DUS1L: variants seen among roughly 807,000 people sequenced by gnomAD.
The protein encoded by DUS1L is dihydrouridine synthase 1 like, also known as tRNA-dihydrouridine(16/17) synthase [NAD(P)(+)]-like.
DUS1L carries 56 observed loss-of-function variants against 61.2 expected under a neutral mutation model. The ratio of observed to expected loss-of-function variants is 0.92; its 90% CI spans 0.74 to 1.14. The LOEUF is 1.14. DUS1L is among the 50% of genes most tolerant of loss of function. DUS1L has a pLI of 0.00. For synonymous variants in DUS1L, 278 were observed against 259.5 expected (o/e 1.07, Z -0.69); for missense variants, 630 against 632.4 (o/e 1.00, Z 0.04).
chr17:82,060,541 G>T, intron 10 of DUS1L, 160 bp downstream of exon 10: 2 of 880,716 alleles, frequency 2.3e-6, no homozygotes, highest in Non-Finnish European at 3.4e-6. Context: ...CGTGGAAGGT[G>T]TGTGCTGCTC....
Position 82,058,427 on chromosome 17 carries a change from GA to G in DUS1L, c.1207-12del, listed in dbSNP as rs1173433068. Reference sequence around the variant, plus strand: ...CACACATCTGTTGCCCTGGGCACAGGAAATCTCGGGAGCCTGTGGCCAGCAC... The same window carrying G: ...CACACATCTGTTGCCCTGGGCACAGGAATCTCGGGAGCCTGTGGCCAGCAC... On this transcript the variant is annotated splice_polypyrimidine_tract_variant and intron_variant, in intron 12 of 13. Transcript: ENST00000306796. The G allele has an allele frequency of 6.7e-7, 1 of 1,481,748 alleles. No individual in the cohort carries two copies. The highest frequency in any genetic ancestry group is 1.4e-5 in the African/African-American group (1 of 71,162). The allele number at this position is 1,481,748 out of a possible 1,614,324, so 91.8% of individuals were successfully genotyped here. A position where few individuals can be genotyped will look rare whatever the true frequency, so the allele number is the denominator to read the frequency against.
intron 5 of DUS1L, 87 bp downstream of exon 5, chr17:82,062,774 T>C (rs2033572806): frequency 8.2e-7 from 1 of 1,220,208 alleles, no homozygotes; most frequent in Non-Finnish European, 1.2e-6. Flanking sequence ...CGGTGCACGG[T>C]GTCTGGACAC....
rs775785935 is a variant in DUS1L, at chr17:82,060,848, C to A, written c.939+17G>T. On this transcript the variant is annotated intron_variant, in intron 9 of 13. Coordinates refer to ENST00000306796, the MANE Select transcript of DUS1L (RefSeq NM_022156.5). ...CACCCCCTGCAAGGCCGGGCTCCCACCAGCCCCAGCACCTGCCTGACACCG... is the reference window on the plus strand; with the variant it reads ...CACCCCCTGCAAGGCCGGGCTCCCAACAGCCCCAGCACCTGCCTGACACCG... The A allele has an allele frequency of 7.4e-6, 12 of 1,611,816 alleles. No individual in the cohort carries two copies. Among genetic ancestry groups the A allele is most frequent in the Non-Finnish European group, 1.0e-5 (12 of 1,179,652 alleles).
Position 82,060,901 on chromosome 17 carries a change from G to T in DUS1L, c.903C>A (p.Ile301=). ...GCTTCAGCTCCTGGCTCACAGCAGC[G>T]ATGCCCTCCAGGGTCTTCACCTTGG... ...ELAKVKTLEG[I]AAVSQELKLR... The change falls in exon 9 of 14, where the codon ATC becomes ATA. Residue 301 remains isoleucine, a synonymous_variant. Transcript: ENST00000306796. 1 of 1,611,544 alleles carries T rather than the reference G, an allele frequency of 6.2e-7. No homozygotes were observed.
intron 2 of DUS1L, 128 bp downstream of exon 2, chr17:82,064,692 TCTC>T (rs1568093553): frequency 1.1e-6 from 1 of 936,694 alleles, no homozygotes; most frequent in Middle Eastern, 3.5e-4. Flanking sequence ...ACCTTCTCCC[TCTC>T]CTCCTGGAAT....
rs1342872090 is a variant in DUS1L, at chr17:82,058,162, C to G, written c.1375G>C (p.Gly459Arg). 1 of 1,598,090 alleles carries G rather than the reference C, an allele frequency of 6.3e-7. No individual in the cohort carries two copies. The highest frequency in any genetic ancestry group is 1.3e-5 in the African/African-American group (1 of 74,720). ...ELQEPQPAAPGTPGGFSEVMG... is the reference protein window; with the variant it reads ...ELQEPQPAAPRTPGGFSEVMG... ...ACTTCGGAGAAGCCACCTGGTGTTCCAGGTGCTGCTGGCTGAGGCTCCTGC... is the reference window on the plus strand; with the variant it reads ...ACTTCGGAGAAGCCACCTGGTGTTCGAGGTGCTGCTGGCTGAGGCTCCTGC... The change falls in exon 14 of 14, where the codon GGA (glycine) becomes CGA (arginine). Residue 459 changes from glycine (G) to arginine (R), a missense_variant. Gly to Arg is a moderately radical substitution (Grantham distance 125). Transcript: ENST00000306796.
Position 82,063,012 on chromosome 17 carries a change from G to A in DUS1L, c.398-39C>T, listed in dbSNP as rs774863840. Reference sequence around the variant, plus strand: ...AGGCAGCTTCTGAGGGGGCCATGGTGTTCCCACTTTAGCGGCCAAGCCCCA... The same window carrying A: ...AGGCAGCTTCTGAGGGGGCCATGGTATTCCCACTTTAGCGGCCAAGCCCCA... On this transcript the variant is annotated intron_variant, in intron 4 of 13. Transcript: ENST00000306796. 6 of 1,558,474 alleles carry A rather than the reference G, an allele frequency of 3.8e-6. No individual in the cohort carries two copies. In the South Asian group the frequency reaches 4.5e-5, roughly 12 times the overall value.
rs779003396 is a variant in DUS1L at position 82,059,979 on chromosome 17, G to A, written c.1137C>T (p.Asn379=). ...GAGAGGGGTCGAAGGTCTTGTGGGG[G>A]TTCCTCAGCTGCTTCTTTTGCTTGT... ...SKNKQKKQLR[N]PHKTFDPSLK... is the part of the protein sequence containing the mutation. Residue 379 remains asparagine, a synonymous_variant, in exon 11 of 14, where the codon AAC becomes AAT. Coordinates refer to ENST00000306796, the MANE Select transcript of DUS1L (RefSeq NM_022156.5). 45 of 1,614,006 alleles carry A rather than the reference G, an allele frequency of 2.8e-5. No homozygotes were observed. The South Asian group carries it at 4.8e-4, about 17-fold the overall frequency.
rs142897071 is a variant in DUS1L at position 82,058,632 on chromosome 17, G to A, written c.1206+149C>T. Reference sequence around the variant, plus strand: ...TGGGCAGGGGCTTGGCTGGAAGCAAGGGGCCGTCCTGAGGCATCCATGCCA... The same window carrying A: ...TGGGCAGGGGCTTGGCTGGAAGCAAAGGGCCGTCCTGAGGCATCCATGCCA... On this transcript the variant is annotated intron_variant, in intron 12 of 13. Transcript: ENST00000306796. 2.3e-4 allele frequency: 342 copies of A among 1,508,254 alleles called. 1 individual carries two copies. Among genetic ancestry groups the A allele is most frequent in the Admixed American group, 1.1e-3 (55 of 48,262 alleles). The allele number at this position is 1,508,254 out of a possible 1,614,324, so 93.4% of individuals were successfully genotyped here.
chr17:82,063,304 A>C (rs1466642455), intron 4 of DUS1L, 164 bp downstream of exon 4: 18 of 953,078 alleles, frequency 1.9e-5, no homozygotes, highest in Non-Finnish European at 2.6e-5. Context: ...CTTCACAGCC[A>C]CCTCCTTCCA....
intron 2 of DUS1L, among the ~76,000 whole-genome samples, chr17:82,064,500 G>C (rs913018705): frequency 6.6e-6 from 1 of 152,248 alleles, no homozygotes; most frequent in Admixed American, 6.5e-5. Context: ...GTTCTGAAGA[G>C]GGAGTGTGAG....
At chr17:82,061,102 TAGC>T in intron 8 of DUS1L, 104 bp downstream of exon 8, 9 of 1,544,008 alleles carry the variant, frequency 5.8e-6, no homozygotes, top group Non-Finnish European at 7.0e-6. Context: ...AGACCTGACT[TAGC>T]AGCAAGTTGT....
rs151063790 is a variant in DUS1L at position 82,059,993 on chromosome 17, T to G, written c.1123A>C (p.Lys375Gln). ...GTCTTGTGGGGGTTCCTCAGCTGCT[T>G]CTTTTGCTTGTTCTTGGACAGGACC... ...TEVLSKNKQK[K>Q]QLRNPHKTFD... Residue 375 changes from lysine to glutamine, a missense_variant, in exon 11 of 14, where the codon AAG (lysine) becomes CAG (glutamine). By Grantham distance (53) the Lys-to-Gln change is moderately conservative (BLOSUM62 1). Coordinates refer to ENST00000306796, the MANE Select transcript of DUS1L (RefSeq NM_022156.5). 448 of 1,613,958 alleles carry G rather than the reference T, an allele frequency of 2.8e-4. 1 individual carries two copies. The highest frequency in any genetic ancestry group is 6.1e-4 in the South Asian group (56 of 91,086).
chr17:82,062,022 C>T, intron 5 of DUS1L, 39 bp from the exon 6 acceptor site: 1 of 1,530,920 alleles, frequency 6.5e-7, no homozygotes. Context: ...CTCCAAGCCC[C>T]TTCCGCCCCT....
rs117626519 is a variant in DUS1L, at chr17:82,059,643, C to T, written c.1168+305G>A. The T allele has an allele frequency of 1.5e-3, 594 of 399,390 alleles. 5 individuals are homozygous for T. The East Asian group carries it at 0.024, about 16-fold the overall frequency. The allele number at this position is 399,390 out of a possible 1,614,324, so 24.7% of individuals were successfully genotyped here. A position where few individuals can be genotyped will look rare whatever the true frequency, so the allele number is the denominator to read the frequency against. ...CTCAGGTGTCCTGTGTGAGGCTGGG[C>T]AGGGGCAGCCGCAGGGACCCGAGGC... is the stretch of plus-strand genomic sequence containing the variant. On this transcript the variant is annotated intron_variant, in intron 11 of 13. Transcript: ENST00000306796.
chr17:82,058,995 G>A (rs189369433), intron 11 of DUS1L, 177 bp from the exon 12 acceptor site: 71 of 628,050 alleles, frequency 1.1e-4, no homozygotes, highest in East Asian at 9.3e-4. Flanking sequence ...TTTTCCTTCC[G>A]TGAGCAATGG....
At position 82,065,042 on chromosome 17, in the gene DUS1L, G is replaced by A; in HGVS notation, c.18C>T (p.Gly6=). 1 of 1,600,804 alleles carries A rather than the reference G, an allele frequency of 6.2e-7. No individual in the cohort carries two copies. The highest frequency in any genetic ancestry group is 2.2e-5 in the East Asian group (1 of 44,632). ...GCAGGGTGCGGCTCCAGAACTCGAA[G>A]CCCTGCAGCTTTGGCATCGTCTCCA... is the stretch of plus-strand genomic sequence containing the variant. The part of the protein sequence containing the change: MPKLQ[G]FEFWSRTLRG... The change falls in exon 2 of 14, where the codon GGC becomes GGT. Residue 6 remains glycine (G), a synonymous_variant. Transcript: ENST00000306796.
rs758860153 is a variant in DUS1L, at chr17:82,062,027, GC to G, written c.511-45del. On this transcript the variant is annotated intron_variant, in intron 5 of 13. Transcript: ENST00000306796. ...CGCTTGACCCCTCCAAGCCCCTTCC[GC>G]CCCTCAGAGCCCCCTCCGCCCCTCC... is the stretch of plus-strand genomic sequence containing the variant. The G allele has an allele frequency of 2.7e-6, 4 of 1,494,692 alleles. No individual in the cohort carries two copies. The Admixed American group carries it at 7.9e-5, about 29-fold the overall frequency. 92.6% of individuals were successfully genotyped at this position (1,494,692 alleles called of 1,614,324 possible).
chr17:82,061,170 G>A lies in DUS1L; in HGVS notation c.842+39C>T, dbSNP rs368812276. 62 of 1,559,790 alleles carry A rather than the reference G, an allele frequency of 4.0e-5. 1 individual carries two copies. The highest frequency in any genetic ancestry group is 1.4e-4 in the East Asian group (6 of 44,234). On this transcript the variant is annotated intron_variant, in intron 8 of 13. Transcript: ENST00000306796. ...GGGGTCTGACGGAATCTGCCTGGGC[G>A]GCCCTCCAACGTGGCTTCTGCCTTA...
Sources: allele counts gnomAD v4.1 joint callset (sites outside exome capture counted in the v4.1 genomes callset), GRCh38; gene constraint gnomAD v4.1.1; transcripts MANE v1.5; gene names NCBI Gene and HGNC (gene_info 2026-07-23, HGNC 2026-07-21).